The following FAM135B variants were observed in gnomAD, a reference collection of about 807,000 sequenced individuals.
The protein encoded by FAM135B is protein FAM135B.
In FAM135B, 43 loss-of-function variants were observed where a neutral mutation model predicts 127.7. That is an observed-to-expected ratio of 0.34 (90% CI 0.26 to 0.43). FAM135B has a LOEUF of 0.43. FAM135B is among the 20% of genes least tolerant of loss of function. The pLI is 1.00. For synonymous variants in FAM135B, 670 were observed against 665.1 expected (o/e 1.01, Z -0.11); for missense variants, 1,558 against 1,725.6 (o/e 0.90, Z 1.72).
chr8:138,315,614 T>C (rs1827028296), intron 2 of FAM135B, among the ~76,000 whole-genome samples: 1 of 151,646 alleles, frequency 6.6e-6, no homozygotes, highest in East Asian at 1.9e-4. Flanking sequence ...GGAATACATA[T>C]CAATGTACAC....
At chr8:138,496,410 T>C (rs1230340196) in intron 1 of FAM135B, among the ~76,000 whole-genome samples, 2 of 152,184 alleles carry the variant, frequency 1.3e-5, no homozygotes, top group Non-Finnish European at 2.9e-5. Context: ...CTGGGACTCC[T>C]GGGGGGAACC....
intron 2 of FAM135B, among the ~76,000 whole-genome samples, chr8:138,314,391 G>A (rs1826915903): frequency 1.3e-5 from 2 of 151,802 alleles, no homozygotes; most frequent in African/African-American, 4.8e-5. Flanking sequence ...ATCTGACAAA[G>A]GACTATTATC....
intron 7 of FAM135B, among the ~76,000 whole-genome samples, chr8:138,231,804 G>A (rs6999378): frequency 0.24 from 36,713 of 152,044 alleles, 5,067 homozygotes; most frequent in African/African-American, 0.35. Context: ...ATATCCAGCC[G>A]AGAGCCAAAC....
At position 138,241,150 on chromosome 8, in the gene FAM135B, C is replaced by T. The variant is rs1238825116; in HGVS notation, c.669+1792G>A. Among the ~76,000 whole-genome samples the T allele has an allele frequency of 6.6e-6, 1 of 152,178 alleles. No individual in the cohort carries two copies. The highest frequency in any genetic ancestry group is 1.5e-5 in the Non-Finnish European group (1 of 68,034). ...TTCGGCCGACCACGGGGAGCTTTGCCTCAGTGATGGTCCTGTAGCAAAGGA... is the reference window on the plus strand; with the variant it reads ...TTCGGCCGACCACGGGGAGCTTTGCTTCAGTGATGGTCCTGTAGCAAAGGA... On this transcript the variant is annotated intron_variant, in intron 7 of 19. Transcript: ENST00000395297. The surrounding 1 kb of genome is among the most constrained non-coding windows in gnomAD (Gnocchi z 4.8).
intron 1 of FAM135B, among the ~76,000 whole-genome samples, chr8:138,379,866 G>A (rs75528054): frequency 0.015 from 2,246 of 152,270 alleles, 46 homozygotes; most frequent in African/African-American, 0.052. Context: ...CTGGAAGAAC[G>A]TCGCAGATGC....
At chr8:138,420,580 A>G (rs1272421973) in intron 1 of FAM135B, among the ~76,000 whole-genome samples, 2 of 152,166 alleles carry the variant, frequency 1.3e-5, no homozygotes, top group Non-Finnish European at 2.9e-5. Flanking sequence ...ACTATCCTTG[A>G]TGAATGTAGA....
At chr8:138,457,481 T>C (rs918257541) in intron 1 of FAM135B, among the ~76,000 whole-genome samples, 1 of 152,124 alleles carries the variant, frequency 6.6e-6, no homozygotes, top group Non-Finnish European at 1.5e-5. Context: ...CAAGACAGAA[T>C]GTAGATGATG....
intron 11 of FAM135B, among the ~76,000 whole-genome samples, chr8:138,169,102 T>C (rs1466575174): frequency 1.3e-5 from 2 of 152,116 alleles, no homozygotes; most frequent in African/African-American, 4.8e-5. Flanking sequence ...TATTTATGTA[T>C]GTATATTTCA....
chr8:138,352,654 G>T (rs1240970892), intron 2 of FAM135B, among the ~76,000 whole-genome samples: 1 of 152,134 alleles, frequency 6.6e-6, no homozygotes, highest in Non-Finnish European at 1.5e-5. Context: ...TGGCATCCAT[G>T]CCTATGTCTT....
chr8:138,357,011 G>C (rs976549176), intron 2 of FAM135B, among the ~76,000 whole-genome samples: 11 of 152,084 alleles, frequency 7.2e-5, no homozygotes, highest in African/African-American at 2.7e-4. Context: ...CCCTCACCTT[G>C]TTCAATGATA....
At chr8:138,301,042 C>T (rs1049729797) in intron 3 of FAM135B, among the ~76,000 whole-genome samples, 1 of 152,080 alleles carries the variant, frequency 6.6e-6, no homozygotes, top group Non-Finnish European at 1.5e-5. Context: ...AGCCACTGCA[C>T]CCGGCCTTAT....
At chr8:138,441,785 C>T (rs772131511) in intron 1 of FAM135B, 2 of 151,534 alleles carry the variant, frequency 1.3e-5, no homozygotes, top group Non-Finnish European at 2.9e-5. Context: ...ATGAGTGGAC[C>T]TAGGAAGCAA....
intron 3 of FAM135B, among the ~76,000 whole-genome samples, chr8:138,299,959 G>T (rs1825761547): frequency 6.6e-6 from 1 of 150,572 alleles, no homozygotes; most frequent in Non-Finnish European, 1.5e-5. Context: ...AAGTGAGAGT[G>T]GTATTTATTT....
intron 1 of FAM135B, 21 bp from the exon 2 acceptor site, chr8:138,368,023 T>G: frequency 1.9e-6 from 3 of 1,568,472 alleles, no homozygotes; most frequent in Non-Finnish European, 2.6e-6. Flanking sequence ...AGAGAGAAAT[T>G]AACAGTTTGA....
chr8:138,300,901 C>T (rs778666424), intron 3 of FAM135B, among the ~76,000 whole-genome samples: 1 of 151,956 alleles, frequency 6.6e-6, no homozygotes, highest in South Asian at 2.1e-4. Context: ...TAGGCATGCA[C>T]CAACACGCCC....
intron 1 of FAM135B, among the ~76,000 whole-genome samples, chr8:138,408,050 A>C (rs1034280057): frequency 6.6e-6 from 1 of 152,200 alleles, no homozygotes; most frequent in African/African-American, 2.4e-5. Flanking sequence ...GAGCACAGGC[A>C]GAGTAGATTT....
intron 1 of FAM135B, among the ~76,000 whole-genome samples, chr8:138,485,350 A>G (rs1814943306): frequency 6.6e-6 from 1 of 152,064 alleles, no homozygotes; most frequent in South Asian, 2.1e-4. Flanking sequence ...CGTCCATCCC[A>G]TCCAGAGTTT....
At chr8:138,273,776 C>A (rs2130694887) in intron 3 of FAM135B, among the ~76,000 whole-genome samples, 1 of 152,284 alleles carries the variant, frequency 6.6e-6, no homozygotes, top group Middle Eastern at 3.4e-3. Context: ...CACTCCTGCC[C>A]CTTCTGGATT....
intron 3 of FAM135B, among the ~76,000 whole-genome samples, chr8:138,298,595 C>T (rs975234629): frequency 4.6e-5 from 7 of 152,104 alleles, no homozygotes; most frequent in Admixed American, 1.3e-4. Flanking sequence ...AATGAGATGA[C>T]CCCAAGCGAA....
Sources: allele counts gnomAD v4.1 joint callset (sites outside exome capture counted in the v4.1 genomes callset), GRCh38; gene constraint gnomAD v4.1.1; non-coding constraint Gnocchi (gnomAD v3.1); transcripts MANE v1.5; gene names NCBI Gene and HGNC (gene_info 2026-07-23, HGNC 2026-07-21).